The following ARCN1 variants were observed in gnomAD, a reference collection of about 807,000 sequenced individuals.
The protein encoded by ARCN1 is coatomer subunit delta.
Under a neutral mutation model 60.4 loss-of-function variants are expected in ARCN1, and 5 were observed. The observed-to-expected ratio is 0.08, with a 90% CI of 0.04 to 0.17. ARCN1 has a LOEUF of 0.17. ARCN1 is among the 10% of genes least tolerant of loss of function. ARCN1 has a pLI of 1.00. For missense variants in ARCN1, 464 were observed against 626.5 expected (o/e 0.74, Z 2.77); for synonymous variants, 224 against 220.0 (o/e 1.02, Z -0.16).
Position 118,601,872 on chromosome 11 carries a change from GCT to G in ARCN1, c.*1159_*1160del. ...TTCACATCCACATGTAATCATGTCT[GCT>G]GCTGTTGCTACCCAAATTTTCATTT... On this transcript the variant is annotated 3_prime_UTR_variant, in exon 10 of 10. Coordinates refer to ENST00000264028, the MANE Select transcript of ARCN1 (RefSeq NM_001655.5). 1 of 598,448 alleles carries G rather than the reference GCT, an allele frequency of 1.7e-6. No individual in the cohort carries two copies. The allele number at this position is 598,448 out of a possible 1,614,324, so 37.1% of individuals were successfully genotyped here.
At chr11:118,573,750 C>CT (rs1331343023) in intron 1 of ARCN1, 1 of 668,232 alleles carries the variant, frequency 1.5e-6, no homozygotes, top group South Asian at 1.6e-5. Flanking sequence ...CATGCTTGGA[C>CT]TTTAGGCCAC....
At chr11:118,588,775 C>T (rs1030925309) in intron 5 of ARCN1, among the ~76,000 whole-genome samples, 3 of 151,730 alleles carry the variant, frequency 2.0e-5, no homozygotes, top group East Asian at 2.0e-4. Context: ...CCCAACACTT[C>T]GGGAGGCCGA....
At chr11:118,583,570 G>C (rs939445492) in intron 3 of ARCN1, among the ~76,000 whole-genome samples, 1 of 152,032 alleles carries the variant, frequency 6.6e-6, no homozygotes, top group Non-Finnish European at 1.5e-5. Context: ...ACTGGACAGC[G>C]TAGTGAGACC....
intron 1 of ARCN1, 68 bp downstream of exon 1, chr11:118,572,618 T>TGG (rs1467958652): frequency 1.3e-6 from 2 of 1,570,642 alleles, no homozygotes; most frequent in Non-Finnish European, 1.7e-6. Context: ...TCGGCGGGCC[T>TGG]GGGGCAGGGG....
intron 6 of ARCN1, among the ~76,000 whole-genome samples, chr11:118,591,869 G>A (rs1211997326): frequency 2.0e-5 from 3 of 151,428 alleles, no homozygotes; most frequent in African/African-American, 7.3e-5. Context: ...ATAGTAGCTG[G>A]AACTATAGGT....
chr11:118,581,181 T>G, intron 1 of ARCN1, 65 bp from the exon 2 acceptor site: 60 of 1,569,764 alleles, frequency 3.8e-5, no homozygotes, highest in Non-Finnish European at 5.0e-5. Flanking sequence ...GAACATTTCC[T>G]GAGATGCTGA....
chr11:118,582,700 C>G (rs1370797550), intron 2 of ARCN1, among the ~76,000 whole-genome samples: 2 of 137,516 alleles, frequency 1.5e-5, no homozygotes, highest in Admixed American at 7.3e-5. Flanking sequence ...CACTCCAGAC[C>G]GGGTGACAGA....
rs534817813 is a variant in ARCN1 at position 118,593,585 on chromosome 11, C to T, written c.1133-5C>T. ...TCTAGTATGACTGCTTTGCTTTCTCCTCAGTTAATTGCTGGCCCTCGGAGA... is the reference window on the plus strand; with the variant it reads ...TCTAGTATGACTGCTTTGCTTTCTCTTCAGTTAATTGCTGGCCCTCGGAGA... On this transcript the variant is annotated splice_polypyrimidine_tract_variant and splice_region_variant and intron_variant, in intron 7 of 9. Coordinates refer to ENST00000264028, the MANE Select transcript of ARCN1 (RefSeq NM_001655.5). 31 of 1,597,100 alleles carry T rather than the reference C, an allele frequency of 1.9e-5. No individual in the cohort carries two copies. Among genetic ancestry groups the T allele is most frequent in the Non-Finnish European group, 2.4e-5 (28 of 1,164,886 alleles).
Position 118,600,830 on chromosome 11 carries a change from C to G in ARCN1, c.*116C>G. ...CACTGGAGACCCCTTTTTTCTGATA[C>G]AATGCACGATTCTCTGCGCGCAAGG... On this transcript the variant is annotated 3_prime_UTR_variant, in exon 10 of 10. Transcript: ENST00000264028. 1 of 684,902 alleles carries G rather than the reference C, an allele frequency of 1.5e-6. No homozygotes were observed. The highest frequency in any genetic ancestry group is 2.5e-6 in the Non-Finnish European group (1 of 401,396). 42.4% of individuals were successfully genotyped at this position (684,902 alleles called of 1,614,324 possible).
intron 1 of ARCN1, among the ~76,000 whole-genome samples, chr11:118,578,611 T>G (rs1938577201): frequency 6.6e-6 from 1 of 152,158 alleles, no homozygotes; most frequent in Non-Finnish European, 1.5e-5. Context: ...ATATTTCTCA[T>G]CGCATGAGGG....
At chr11:118,597,591 A>T in intron 8 of ARCN1, 116 bp from the exon 9 acceptor site, 1 of 1,043,268 alleles carries the variant, frequency 9.6e-7, no homozygotes, top group African/African-American at 1.6e-5. Context: ...TTTTCCCCTG[A>T]AATTGTAGTC....
chr11:118,578,707 A>G lies in ARCN1; in HGVS notation c.4-2539A>G, dbSNP rs142284748. 9.1e-4 allele frequency among the ~76,000 whole-genome samples: 139 copies of G among 152,186 alleles called. 4 individuals are homozygous for G. In the East Asian group the frequency reaches 0.012, roughly 13 times the overall value. On this transcript the variant is annotated intron_variant, in intron 1 of 9. Coordinates refer to ENST00000264028, the MANE Select transcript of ARCN1 (RefSeq NM_001655.5). ...TATGTAAAATTTTGGGGGGAGAGTC[A>G]ATATTCATTATTTGAATATCAAAAT...
At chr11:118,576,201 C>T (rs1938496248) in intron 1 of ARCN1, among the ~76,000 whole-genome samples, 2 of 151,724 alleles carry the variant, frequency 1.3e-5, no homozygotes, top group Admixed American at 1.3e-4. Flanking sequence ...GTAGTTAAGT[C>T]TGTGTAGGAG....
At chr11:118,582,123 A>G in intron 2 of ARCN1, among the ~76,000 whole-genome samples, 1 of 152,050 alleles carries the variant, frequency 6.6e-6, no homozygotes, top group East Asian at 1.9e-4. Context: ...TAGTGTGGGC[A>G]ACACAGCAAG....
chr11:118,598,083 C>A (rs1565366829), intron 9 of ARCN1, among the ~76,000 whole-genome samples, 172 bp downstream of exon 9: 4 of 152,074 alleles, frequency 2.6e-5, no homozygotes, highest in African/African-American at 9.7e-5. Context: ...TGGTCAAATT[C>A]TTTTATTGCT....
In ARCN1 at chr11:118,583,793, A is replaced by G. The variant is rs371110213; in HGVS notation, c.448-16A>G. ...CCAAAAAAAAAAGCTACATTAATGT[A>G]TGTCTTTTTCTGTAGACTCAAGAAC... is the stretch of plus-strand genomic sequence containing the variant. On this transcript the variant is annotated splice_polypyrimidine_tract_variant and intron_variant, in intron 3 of 9. Transcript: ENST00000264028. The G allele has an allele frequency of 3.0e-5, 48 of 1,609,984 alleles. No individual in the cohort carries two copies. In the East Asian group the frequency reaches 8.5e-4, roughly 28 times the overall value.
chr11:118,597,651 C>T (rs782803847), intron 8 of ARCN1, 56 bp from the exon 9 acceptor site: 41 of 1,579,650 alleles, frequency 2.6e-5, no homozygotes, highest in Admixed American at 1.1e-4. Flanking sequence ...GTTGGTTTTC[C>T]GTGGTGGAGT....
chr11:118,576,437 A>AC (rs1555073644), intron 1 of ARCN1, among the ~76,000 whole-genome samples: 3 of 146,628 alleles, frequency 2.0e-5, no homozygotes, highest in East Asian at 2.4e-4. Context: ...AAAAAAAAAA[A>AC]AAAAAAAAAA....
rs185050772 is a variant in ARCN1 at position 118,576,711 on chromosome 11, A to T, written c.3+4161A>T. On this transcript the variant is annotated intron_variant, in intron 1 of 9. Coordinates refer to ENST00000264028, the MANE Select transcript of ARCN1 (RefSeq NM_001655.5). ...TAGCTGTAACAGAGAGACCTGTGTCAACTGCCTGGAACCTGTAATTTGTGG... is the reference window on the plus strand; with the variant it reads ...TAGCTGTAACAGAGAGACCTGTGTCTACTGCCTGGAACCTGTAATTTGTGG... Among the ~76,000 whole-genome samples the T allele has an allele frequency of 4.5e-3, 684 of 152,312 alleles. 2 individuals carry two copies. Among genetic ancestry groups the T allele is most frequent in the African/African-American group, 0.015 (634 of 41,560 alleles).
Sources: gnomAD v4.1 joint callset for allele counts (sites outside exome capture counted in the v4.1 genomes callset) on GRCh38, gnomAD v4.1.1 for gene constraint, MANE v1.5 for transcripts, NCBI Gene and HGNC (gene_info 2026-07-23, HGNC 2026-07-21) for gene names.